SPAG16: variants seen among roughly 807,000 people sequenced by gnomAD.
SPAG16 encodes the protein sperm-associated antigen 16 protein.
Under a neutral mutation model 80.4 loss-of-function variants are expected in SPAG16, and 86 were observed. The ratio of observed to expected loss-of-function variants is 1.07; its 90% CI spans 0.90 to 1.28. The LOEUF (loss-of-function observed/expected upper bound fraction) is 1.28. SPAG16 is among the 50% of genes most tolerant of loss of function. SPAG16 has a pLI of 0.00. For missense variants in SPAG16, 870 were observed against 765.3 expected, an observed-to-expected ratio of 1.14 and a Z score of -1.61; for synonymous variants, 294 against 265.9, an observed-to-expected ratio of 1.11 and a Z score of -1.03.
intron 15 of SPAG16, among the ~76,000 whole-genome samples, chr2:214,297,432 A>G (rs963983362): frequency 4.0e-5 from 6 of 151,832 alleles, no homozygotes; most frequent in Non-Finnish European, 8.8e-5. Flanking sequence ...GGATTTTTAT[A>G]TTTATTTTTA....
chr2:214,149,077 G>GTGTA (rs879196704), intron 14 of SPAG16, 63 bp from the exon 15 acceptor site: 27,755 of 238,662 alleles, frequency 0.12, 1,082 homozygotes, highest in South Asian at 0.21. Context: ...GTGTGTGTGT[G>GTGTA]TATATATATA....
At chr2:214,132,534 T>A (rs763821236) in intron 14 of SPAG16, among the ~76,000 whole-genome samples, 1 of 152,174 alleles carries the variant, frequency 6.6e-6, no homozygotes, top group Admixed American at 6.5e-5. Flanking sequence ...GTAACATGAA[T>A]TTATGGAAGC....
In SPAG16 at chr2:214,024,708, T is replaced by C. The variant is rs143639556; in HGVS notation, c.1527+10631T>C. Among the ~76,000 whole-genome samples the C allele has an allele frequency of 3.8e-4, 57 of 151,648 alleles. No homozygotes were observed. The East Asian group carries it at 9.3e-3, about 25-fold the overall frequency. On this transcript the variant is annotated intron_variant, in intron 13 of 15. Transcript: ENST00000331683. ...GTTGATAGAGAGCTAAAACCAAAGA[T>C]TGATGGAAAGTTGAAACTAAAGGAA...
At chr2:214,405,625 A>G (rs1236705816) in intron 15 of SPAG16, among the ~76,000 whole-genome samples, 1 of 152,116 alleles carries the variant, frequency 6.6e-6, no homozygotes, top group Non-Finnish European at 1.5e-5. Context: ...GTGAAGCCCC[A>G]TCTCTACTAA....
chr2:213,555,896 AT>A (rs1287651295), intron 10 of SPAG16, among the ~76,000 whole-genome samples: 2 of 152,174 alleles, frequency 1.3e-5, no homozygotes, highest in Non-Finnish European at 2.9e-5. Flanking sequence ...AGCTAAAATA[AT>A]TTTTAAGGGG....
chr2:214,070,308 G>A (rs7569054), intron 13 of SPAG16, among the ~76,000 whole-genome samples: 143,728 of 152,046 alleles, frequency 0.95, 68,357 homozygotes, highest in Non-Finnish European at 0.99. Context: ...GATACCAGAT[G>A]AATATTTACT....
chr2:213,826,740 A>G (rs2073328145), intron 10 of SPAG16, among the ~76,000 whole-genome samples: 1 of 151,976 alleles, frequency 6.6e-6, no homozygotes. Flanking sequence ...AGTTCTGTTA[A>G]TATCTGTTAG....
intron 11 of SPAG16, among the ~76,000 whole-genome samples, chr2:213,928,210 G>A (rs1050568156): frequency 3.3e-5 from 5 of 151,580 alleles, no homozygotes; most frequent in Admixed American, 6.6e-5. Flanking sequence ...TCAGCCTCCC[G>A]AGTAGCTGGG....
chr2:213,943,229 A>C (rs2079286182), intron 12 of SPAG16, among the ~76,000 whole-genome samples: 1 of 152,188 alleles, frequency 6.6e-6, no homozygotes, highest in African/African-American at 2.4e-5. Context: ...TATTTCAAAT[A>C]CCTGAAAATG....
chr2:213,338,661 A>G (rs565635748), intron 5 of SPAG16, among the ~76,000 whole-genome samples: 164 of 152,338 alleles, frequency 1.1e-3, no homozygotes, highest in Middle Eastern at 3.4e-3. Flanking sequence ...GCACATATAC[A>G]CCATGAAATA....
At chr2:213,883,561 C>A (rs1224622833) in intron 11 of SPAG16, among the ~76,000 whole-genome samples, 1 of 152,104 alleles carries the variant, frequency 6.6e-6, no homozygotes, top group Non-Finnish European at 1.5e-5. Context: ...GCCAGAGTTC[C>A]TTTGTTAGTA....
intron 13 of SPAG16, among the ~76,000 whole-genome samples, chr2:214,076,543 CTGTGTGTG>C (rs59810311): frequency 8.0e-6 from 1 of 124,402 alleles, no homozygotes; most frequent in Non-Finnish European, 1.7e-5. Context: ...GTGTGTGTGT[CTGTGTGTG>C]TGTGTGTGTG....
intron 10 of SPAG16, among the ~76,000 whole-genome samples, chr2:213,628,411 A>G (rs1482104562): frequency 1.3e-5 from 2 of 152,194 alleles, no homozygotes; most frequent in Non-Finnish European, 2.9e-5. Context: ...ATTTTTATGT[A>G]GAGGGAATTT....
chr2:213,367,966 A>G (rs1311211013), intron 8 of SPAG16, among the ~76,000 whole-genome samples: 4 of 146,026 alleles, frequency 2.7e-5, no homozygotes, highest in Non-Finnish European at 6.0e-5. Flanking sequence ...ATTTTTGTAT[A>G]AGGTGTGAGG....
intron 15 of SPAG16, among the ~76,000 whole-genome samples, chr2:214,261,069 T>C (rs1691121333): frequency 7.5e-6 from 1 of 132,996 alleles, no homozygotes; most frequent in Non-Finnish European, 1.5e-5. Flanking sequence ...ATCGCGCCAC[T>C]GCACTCCAGC....
chr2:214,077,151 G>A (rs981400556), intron 13 of SPAG16, among the ~76,000 whole-genome samples: 2 of 152,124 alleles, frequency 1.3e-5, no homozygotes, highest in Non-Finnish European at 2.9e-5. Flanking sequence ...AACAGAGCAA[G>A]TAGAGAAAAA....
intron 10 of SPAG16, among the ~76,000 whole-genome samples, chr2:213,842,580 TTTG>T (rs900911150): frequency 1.3e-5 from 2 of 152,272 alleles, no homozygotes; most frequent in African/African-American, 4.8e-5. Context: ...TAACATTTTG[TTTG>T]TTTTGTTCAT....
chr2:213,378,828 A>T (rs2067021069), intron 9 of SPAG16, among the ~76,000 whole-genome samples: 1 of 152,212 alleles, frequency 6.6e-6, no homozygotes, highest in South Asian at 2.1e-4. Context: ...AGTCCTGCCC[A>T]GACTGTGATG....
intron 13 of SPAG16, among the ~76,000 whole-genome samples, chr2:214,068,037 A>G (rs2050614086): frequency 6.6e-6 from 1 of 152,176 alleles, no homozygotes; most frequent in Admixed American, 6.6e-5. Context: ...GCCGTGCAGT[A>G]TAACAGAAAA....
Sources: allele counts gnomAD v4.1 joint callset (sites outside exome capture counted in the v4.1 genomes callset), GRCh38; gene constraint gnomAD v4.1.1; transcripts MANE v1.5; gene names NCBI Gene and HGNC (gene_info 2026-07-23, HGNC 2026-07-21).